Variants in TGDS observed in about 807,000 individuals in gnomAD.
The protein encoded by TGDS is UDP-D-glucose 4,6-dehydratase.
Under a neutral mutation model 52.3 loss-of-function variants are expected in TGDS, and 47 were observed. The ratio of observed to expected loss-of-function variants is 0.90; its 90% confidence interval spans 0.71 to 1.15. TGDS has a LOEUF of 1.15. Among genes scored for constraint, TGDS ranks in the 50% most tolerant of loss-of-function variants. The probability of loss-of-function intolerance (pLI) is 0.00; values close to 1 mark genes in which losing one functional copy is unlikely to be tolerated. For synonymous variants in TGDS, 115 were observed against 136.9 expected, an observed-to-expected ratio of 0.84 and a Z score of 1.12; for missense variants, 375 against 418.4, an observed-to-expected ratio of 0.90 and a Z score of 0.90.
chr13:94,578,303 C>T, intron 8 of TGDS, 133 bp from the exon 9 acceptor site: 1 of 905,524 alleles, frequency 1.1e-6, no homozygotes, highest in South Asian at 1.7e-5. Flanking sequence ...AATACAAATT[C>T]TCGTAGCTTT....
At chr13:94,582,422 G>C (rs1001803446) in intron 5 of TGDS, among the ~76,000 whole-genome samples, 16 of 152,186 alleles carry the variant, frequency 1.1e-4, no homozygotes, top group African/African-American at 3.6e-4. Flanking sequence ...TGTACCTAAA[G>C]AGAATTCTGG....
intron 10 of TGDS, 77 bp downstream of exon 10, chr13:94,577,294 C>G: frequency 8.8e-7 from 1 of 1,135,964 alleles, no homozygotes; most frequent in Non-Finnish European, 1.2e-6. Flanking sequence ...AGTTATTGGT[C>G]AAGTCCACAT....
In TGDS at chr13:94,576,381, C is replaced by T; in HGVS notation, c.915G>A (p.Lys305=). 1.2e-6 allele frequency: 2 copies of T among 1,601,492 alleles called. No individual in the cohort carries two copies. Among genetic ancestry groups the T allele is most frequent in the Non-Finnish European group, 1.7e-6 (2 of 1,173,690 alleles). ...ATCCTAAGCCATGTATTTTTTCTGA[C>T]TTCATTGGGTATCTCATGTCATTGG... ...RPTNDMRYPM[K]SEKIHGLGWR... Residue 305 remains lysine, a synonymous_variant, in exon 11 of 12, where the codon AAG becomes AAA. Transcript: ENST00000261296.
chr13:94,595,962 G>T, intron 1 of TGDS, 89 bp downstream of exon 1: 1 of 1,495,998 alleles, frequency 6.7e-7, no homozygotes, highest in Non-Finnish European at 9.3e-7. Flanking sequence ...CCTCAAAGCT[G>T]GACCCAAATT....
At chr13:94,594,629 C>T (rs9524551) in intron 1 of TGDS, among the ~76,000 whole-genome samples, 101,277 of 152,012 alleles carry the variant, frequency 0.67, 33,996 homozygotes, top group African/African-American at 0.73. Context: ...AGTTTGTATT[C>T]GGCATTCCTT....
intron 4 of TGDS, among the ~76,000 whole-genome samples, chr13:94,587,901 GCA>G (rs1361798539): frequency 1.0e-4 from 15 of 150,308 alleles, no homozygotes; most frequent in Non-Finnish European, 2.2e-4. Context: ...GGAGGCTGAG[GCA>G]GGAGAATGGC....
At chr13:94,587,707 T>A (rs1038787312) in intron 4 of TGDS, among the ~76,000 whole-genome samples, 1 of 152,150 alleles carries the variant, frequency 6.6e-6, no homozygotes, top group Non-Finnish European at 1.5e-5. Flanking sequence ...GAGTTCTTAA[T>A]CAAGACAGAG....
chr13:94,592,259 C>A lies in TGDS; in HGVS notation c.204G>T (p.Gln68His). ...TTCATACCTGTATAAATTTGTAGTTCTGTTTGTTAGAAATGGTTTCAAGAT... is the reference window on the plus strand; with the variant it reads ...TTCATACCTGTATAAATTTGTAGTTATGTTTGTTAGAAATGGTTTCAAGAT... ...LKNLETISNK[Q>H]NYKFIQGDIC... is the part of the protein sequence containing the mutation. Residue 68 changes from glutamine to histidine, a missense_variant, in exon 3 of 12, where the codon CAG (glutamine) becomes CAT (histidine). Coordinates refer to ENST00000261296, the MANE Select transcript of TGDS (RefSeq NM_014305.4). 1 of 1,610,738 alleles carries A rather than the reference C, an allele frequency of 6.2e-7. No individual in the cohort carries two copies. The highest frequency in any genetic ancestry group is 1.1e-5 in the South Asian group (1 of 90,318).
chr13:94,594,630 G>T (rs570448585), intron 1 of TGDS, among the ~76,000 whole-genome samples: 1 of 152,238 alleles, frequency 6.6e-6, no homozygotes, highest in South Asian at 2.1e-4. Flanking sequence ...GTTTGTATTC[G>T]GCATTCCTTT....
chr13:94,577,297 G>T, intron 10 of TGDS, 74 bp downstream of exon 10: 1 of 1,179,254 alleles, frequency 8.5e-7, no homozygotes, highest in Non-Finnish European at 1.2e-6. Context: ...TATTGGTCAA[G>T]TCCACATATT....
At position 94,574,718 on chromosome 13, in the gene TGDS, A is replaced by G; in HGVS notation, c.*64T>C. 1 of 991,574 alleles carries G rather than the reference A, an allele frequency of 1.0e-6. No individual in the cohort carries two copies. Among genetic ancestry groups the G allele is most frequent in the African/African-American group, 1.6e-5 (1 of 61,416 alleles). 61.4% of individuals were successfully genotyped at this position (991,574 alleles called of 1,614,324 possible). ...GCACTTCATTTGGTCACTTAATTTCATACCACTTGGCGAGGTAGGATAACT... is the reference window on the plus strand; with the variant it reads ...GCACTTCATTTGGTCACTTAATTTCGTACCACTTGGCGAGGTAGGATAACT... On this transcript the variant is annotated 3_prime_UTR_variant, in exon 12 of 12. Transcript: ENST00000261296.
At chr13:94,581,016 A>C (rs1424818768) in intron 6 of TGDS, 75 bp downstream of exon 6, 11 of 904,036 alleles carry the variant, frequency 1.2e-5, no homozygotes, top group Non-Finnish European at 1.8e-5. Context: ...AAAAAGAAAA[A>C]AAAAAGCTGA....
intron 1 of TGDS, among the ~76,000 whole-genome samples, chr13:94,594,724 A>G (rs964420289): frequency 3.9e-5 from 6 of 152,108 alleles, no homozygotes; most frequent in Admixed American, 1.3e-4. Flanking sequence ...CCTCTTTCTC[A>G]TTAAGTGAAA....
chr13:94,594,774 T>A (rs540909922), intron 1 of TGDS, among the ~76,000 whole-genome samples: 7 of 152,178 alleles, frequency 4.6e-5, no homozygotes, highest in Non-Finnish European at 1.0e-4. Flanking sequence ...ACTTGTCGGA[T>A]TAGAAGGGGT....
At chr13:94,595,560 T>G (rs1018988234) in intron 1 of TGDS, among the ~76,000 whole-genome samples, 1 of 152,122 alleles carries the variant, frequency 6.6e-6, no homozygotes, top group African/African-American at 2.4e-5. Context: ...AAGGATATAC[T>G]TTGGAAGTAG....
chr13:94,586,579 C>T (rs1257912429), intron 4 of TGDS, among the ~76,000 whole-genome samples: 16 of 152,174 alleles, frequency 1.1e-4, no homozygotes. Context: ...GGAAAGTGAC[C>T]ATATACTGAA....
At chr13:94,582,983 G>A (rs762143571) in intron 5 of TGDS, 111 bp downstream of exon 5, 289 of 1,145,572 alleles carry the variant, frequency 2.5e-4, no homozygotes, top group Non-Finnish European at 3.5e-4. Context: ...ACACTCTGAA[G>A]AGTGCCACAA....
intron 6 of TGDS, among the ~76,000 whole-genome samples, chr13:94,580,614 G>T (rs190460810): frequency 6.6e-6 from 1 of 152,172 alleles, no homozygotes; most frequent in East Asian, 1.9e-4. Context: ...TCTTCCCTCT[G>T]TCTTCCTCCA....
intron 11 of TGDS, among the ~76,000 whole-genome samples, chr13:94,575,285 C>CTTTTT (rs66717082): frequency 2.7e-5 from 3 of 113,184 alleles, no homozygotes; most frequent in Non-Finnish European, 5.5e-5. Flanking sequence ...AACTTCCTTG[C>CTTTTT]TTTTTTTTTT....
Sources: allele counts gnomAD v4.1 joint callset (sites outside exome capture counted in the v4.1 genomes callset), GRCh38; gene constraint gnomAD v4.1.1; transcripts MANE v1.5; gene names NCBI Gene and HGNC (gene_info 2026-07-23, HGNC 2026-07-21).